RCAN2: variants seen among roughly 807,000 people sequenced by gnomAD.
RCAN2 encodes regulator of calcineurin 2, also known as calcipressin-2.
Under a neutral mutation model 23.6 loss-of-function variants are expected in RCAN2, and 9 were observed. The ratio of observed to expected loss-of-function variants is 0.38; its 90% confidence interval spans 0.23 to 0.67. The LOEUF is 0.67. Among genes scored for constraint, RCAN2 ranks in the 30% least tolerant of loss-of-function variants. The probability of loss-of-function intolerance (pLI) is 0.51; values close to 1 mark genes in which losing one functional copy is unlikely to be tolerated. For missense variants in RCAN2, 273 were observed against 302.3 expected (o/e 0.90, Z 0.72); for synonymous variants, 109 against 115.7 (o/e 0.94, Z 0.37).
intron 4 of RCAN2, among the ~76,000 whole-genome samples, chr6:46,239,632 T>C (rs1766232910): frequency 6.6e-6 from 1 of 152,016 alleles, no homozygotes; most frequent in Non-Finnish European, 1.5e-5. Context: ...TCAGTTCTGA[T>C]CCATATCAAA....
chr6:46,310,465 G>C (rs1423149041), intron 2 of RCAN2, among the ~76,000 whole-genome samples: 2 of 151,978 alleles, frequency 1.3e-5, no homozygotes, highest in Non-Finnish European at 2.9e-5. Context: ...CAAATTAGAA[G>C]GTGGAATGAA....
chr6:46,249,061 T>C (rs879637482), intron 2 of RCAN2, among the ~76,000 whole-genome samples, 165 bp from the exon 3 acceptor site: 34 of 151,898 alleles, frequency 2.2e-4, no homozygotes, highest in Non-Finnish European at 4.4e-4. Flanking sequence ...TGTTGCCAGG[T>C]GCAAAACATG....
chr6:46,453,282 C>T (rs188814040), intron 2 of RCAN2, among the ~76,000 whole-genome samples: 3 of 152,308 alleles, frequency 2.0e-5, no homozygotes, highest in Middle Eastern at 3.4e-3. Context: ...AGCTGTAGCA[C>T]GCACACAGCA....
chr6:46,478,060 C>A (rs1768761655), intron 1 of RCAN2, among the ~76,000 whole-genome samples: 1 of 152,168 alleles, frequency 6.6e-6, no homozygotes, highest in South Asian at 2.1e-4. Flanking sequence ...CGGTCATTTT[C>A]ATGAAATATT....
chr6:46,418,501 C>T (rs1046718999), intron 2 of RCAN2, among the ~76,000 whole-genome samples: 10 of 151,792 alleles, frequency 6.6e-5, no homozygotes, highest in Non-Finnish European at 1.0e-4. Flanking sequence ...TTAATGACTA[C>T]GTGGATCTTT....
At chr6:46,360,063 T>C (rs559684771) in intron 2 of RCAN2, among the ~76,000 whole-genome samples, 1 of 152,274 alleles carries the variant, frequency 6.6e-6, no homozygotes, top group East Asian at 1.9e-4. Context: ...ACCTAGTGTT[T>C]CTCAAACTTT....
At chr6:46,355,797 A>G (rs1764810664) in intron 2 of RCAN2, among the ~76,000 whole-genome samples, 1 of 152,242 alleles carries the variant, frequency 6.6e-6, no homozygotes, top group Admixed American at 6.5e-5. Flanking sequence ...GTTTGGTCTT[A>G]TCTCCTGAGG....
intron 1 of RCAN2, among the ~76,000 whole-genome samples, chr6:46,458,255 T>C (rs1411086625): frequency 6.6e-6 from 1 of 152,210 alleles, no homozygotes; most frequent in African/African-American, 2.4e-5. Context: ...AGACAAAATA[T>C]CAGTTTCTGC....
intron 2 of RCAN2, among the ~76,000 whole-genome samples, chr6:46,373,598 G>A (rs1209961953): frequency 1.3e-5 from 2 of 152,160 alleles, no homozygotes; most frequent in African/African-American, 4.8e-5. Flanking sequence ...TTAAGCAGGG[G>A]AAAATGTATC....
intron 4 of RCAN2, among the ~76,000 whole-genome samples, chr6:46,227,426 TG>T (rs1256974805): frequency 2.6e-5 from 4 of 152,228 alleles, no homozygotes; most frequent in Non-Finnish European, 5.9e-5. Context: ...GGACTTTTTT[TG>T]GTTCGTAGGC....
In RCAN2 at chr6:46,345,786, C is replaced by A. The variant is rs148814862; in HGVS notation, c.226-96890G>T. ...AAGTTCTTTCCAAATTGAGCCAGAC[C>A]TTAAAGACAAGTTGTGAAATCCGTG... On this transcript the variant is annotated intron_variant, in intron 2 of 4. Transcript: ENST00000371374. 1.6e-4 allele frequency among the ~76,000 whole-genome samples: 24 copies of A among 152,188 alleles called. No homozygotes were observed. In the East Asian group the frequency reaches 4.6e-3, roughly 29 times the overall value.
chr6:46,414,599 G>A (rs943302435), intron 2 of RCAN2, among the ~76,000 whole-genome samples: 10 of 152,114 alleles, frequency 6.6e-5, no homozygotes, highest in African/African-American at 2.4e-4. Context: ...TCCATATGTG[G>A]GTGGACCTCA....
intron 2 of RCAN2, among the ~76,000 whole-genome samples, chr6:46,319,724 A>C (rs572683094): frequency 1.1e-4 from 16 of 152,344 alleles, no homozygotes; most frequent in African/African-American, 3.8e-4. Flanking sequence ...AAGTTCTTAA[A>C]GAATTGTTTT....
chr6:46,490,055 G>A (rs1769097785), intron 1 of RCAN2, among the ~76,000 whole-genome samples: 1 of 152,134 alleles, frequency 6.6e-6, no homozygotes, highest in African/African-American at 2.4e-5. Context: ...CAAGTGTTGC[G>A]TGGTACCTTG....
intron 1 of RCAN2, among the ~76,000 whole-genome samples, chr6:46,466,673 T>C (rs777297012): frequency 6.6e-6 from 1 of 151,998 alleles, no homozygotes; most frequent in Non-Finnish European, 1.5e-5. Context: ...TCAAATTAAA[T>C]AAAAAACTCT....
chr6:46,348,066 T>G (rs1336974745), intron 2 of RCAN2, among the ~76,000 whole-genome samples: 1 of 152,188 alleles, frequency 6.6e-6, no homozygotes, highest in African/African-American at 2.4e-5. Context: ...CAGCCATCAT[T>G]TCAATCATAA....
intron 2 of RCAN2, among the ~76,000 whole-genome samples, chr6:46,454,923 G>A (rs1237363293): frequency 6.6e-6 from 1 of 152,122 alleles, no homozygotes; most frequent in East Asian, 1.9e-4. Flanking sequence ...GAGCAGCACT[G>A]CTAAATGAGA....
intron 1 of RCAN2, among the ~76,000 whole-genome samples, chr6:46,481,970 A>G (rs962758518): frequency 2.0e-5 from 3 of 149,324 alleles, no homozygotes; most frequent in African/African-American, 7.3e-5. Context: ...AAATATCTCA[A>G]TAGGAAAAAA....
intron 2 of RCAN2, among the ~76,000 whole-genome samples, chr6:46,332,670 G>T (rs191179028): frequency 0.034 from 5,140 of 152,084 alleles, 266 homozygotes; most frequent in African/African-American, 0.11. Flanking sequence ...AGTATTCCAT[G>T]GTGTATATGT....
Sources: gnomAD v4.1 joint callset for allele counts (sites outside exome capture counted in the v4.1 genomes callset) on GRCh38, gnomAD v4.1.1 for gene constraint, MANE v1.5 for transcripts, NCBI Gene and HGNC (gene_info 2026-07-23, HGNC 2026-07-21) for gene names.